The following SBF2 variants were observed in gnomAD, a reference collection of about 807,000 sequenced individuals.
SBF2 encodes myotubularin-related protein 13.
A neutral mutation model predicts 225.2 loss-of-function variants in SBF2; 112 were observed. The observed-to-expected ratio is 0.50, with a 90% CI of 0.43 to 0.58. The LOEUF (loss-of-function observed/expected upper bound fraction) is 0.58. Among genes scored for constraint, SBF2 ranks in the 20% least tolerant of loss-of-function variants. SBF2 has a pLI of 0.00. For missense variants in SBF2, 1,996 were observed against 2,206.2 expected (o/e 0.90, Z 1.91); for synonymous variants, 763 against 773.3 (o/e 0.99, Z 0.22).
chr11:9,940,104 A>G (rs1356434181), intron 16 of SBF2, among the ~76,000 whole-genome samples: 1 of 152,072 alleles, frequency 6.6e-6, no homozygotes, highest in Non-Finnish European at 1.5e-5. Flanking sequence ...TGTGATTAAA[A>G]AGTACACACT....
Position 9,868,094 on chromosome 11 carries a change from T to C in SBF2, c.1930-9698A>G, listed in dbSNP as rs370215249. On this transcript the variant is annotated intron_variant, in intron 17 of 39. Coordinates refer to ENST00000256190, the MANE Select transcript of SBF2 (RefSeq NM_030962.4). The stretch of plus-strand genomic sequence containing the variant: ...TTGACCATTACACACCGTATACATG[T>C]ATCAAAATATCACTTGTACCCCATA... 3.7e-4 allele frequency among the ~76,000 whole-genome samples: 56 copies of C among 152,266 alleles called. No homozygotes were observed. In the South Asian group the frequency reaches 4.8e-3, roughly 13 times the overall value.
intron 16 of SBF2, among the ~76,000 whole-genome samples, chr11:9,902,414 A>G (rs1293997026): frequency 6.6e-6 from 1 of 152,192 alleles, no homozygotes; most frequent in Non-Finnish European, 1.5e-5. Context: ...ACCCCACAAG[A>G]TATCCCACCT....
At chr11:10,095,633 G>A (rs1341332808) in intron 2 of SBF2, among the ~76,000 whole-genome samples, 1 of 152,178 alleles carries the variant, frequency 6.6e-6, no homozygotes, top group Non-Finnish European at 1.5e-5. Flanking sequence ...GATGAGTCAT[G>A]TTCCAAAGAA....
At chr11:9,816,291 G>A (rs1226215868) in intron 29 of SBF2, among the ~76,000 whole-genome samples, 1 of 152,108 alleles carries the variant, frequency 6.6e-6, no homozygotes, top group South Asian at 2.1e-4. Context: ...CTAGTATTTT[G>A]AATTTTCTGA....
At chr11:9,804,114 A>T (rs1383034082) in intron 32 of SBF2, among the ~76,000 whole-genome samples, 1 of 152,144 alleles carries the variant, frequency 6.6e-6, no homozygotes, top group Non-Finnish European at 1.5e-5. Context: ...AGAGCAACAG[A>T]TCGGAGGTTT....
At chr11:9,908,678 T>C (rs1456360650) in intron 16 of SBF2, among the ~76,000 whole-genome samples, 1 of 87,960 alleles carries the variant, frequency 1.1e-5, no homozygotes, top group Non-Finnish European at 2.5e-5. Flanking sequence ...ATGCCATCTG[T>C]TCATAATCTT....
At chr11:10,241,350 T>A (rs1369742600) in intron 1 of SBF2, among the ~76,000 whole-genome samples, 4 of 151,568 alleles carry the variant, frequency 2.6e-5, no homozygotes, top group Non-Finnish European at 4.4e-5. Context: ...CGAGACTGTC[T>A]CAAAAAAAAG....
At chr11:9,808,670 G>A in intron 31 of SBF2, 1 of 469,100 alleles carries the variant, frequency 2.1e-6, no homozygotes, top group South Asian at 2.2e-5. Context: ...AGCCTGCATG[G>A]TACATCTGTG....
At position 9,906,629 on chromosome 11, in the gene SBF2, A is replaced by AT. The variant is rs533966420; in HGVS notation, c.1861-10619dup. ...TGAAAGAGGGAAAAAATTTACAACA[A>AT]TAAGTCTACAACTATTGACACAGCA... On this transcript the variant is annotated intron_variant, in intron 16 of 39. Transcript: ENST00000256190. Among the ~76,000 whole-genome samples the AT allele has an allele frequency of 2.4e-3, 370 of 152,346 alleles. 1 individual carries two copies. Among genetic ancestry groups the AT allele is most frequent in the Middle Eastern group, 6.8e-3 (2 of 294 alleles).
intron 17 of SBF2, among the ~76,000 whole-genome samples, chr11:9,888,854 C>A (rs1299233802): frequency 6.6e-6 from 1 of 152,174 alleles, no homozygotes; most frequent in Non-Finnish European, 1.5e-5. Flanking sequence ...TAGATTCTTT[C>A]CAAGCCACAT....
chr11:9,855,081 G>A (rs190888685), intron 19 of SBF2, among the ~76,000 whole-genome samples: 66 of 152,254 alleles, frequency 4.3e-4, no homozygotes, highest in Non-Finnish European at 7.1e-4. Context: ...GCATCATTTC[G>A]GGAAGATCCT....
At chr11:9,900,910 AT>A (rs1412388000) in intron 16 of SBF2, among the ~76,000 whole-genome samples, 4 of 149,234 alleles carry the variant, frequency 2.7e-5, no homozygotes, top group South Asian at 2.1e-4. Context: ...CTAATTTTTA[AT>A]TTTTTTTTTG....
At chr11:10,237,689 C>T (rs1959130212) in intron 1 of SBF2, among the ~76,000 whole-genome samples, 1 of 152,168 alleles carries the variant, frequency 6.6e-6, no homozygotes, top group Non-Finnish European at 1.5e-5. Flanking sequence ...GTGAAACCAT[C>T]ATCACAGTCA....
chr11:9,930,471 G>T (rs1408769231), intron 16 of SBF2, among the ~76,000 whole-genome samples: 1 of 152,108 alleles, frequency 6.6e-6, no homozygotes, highest in African/African-American at 2.4e-5. Context: ...ATAGAGGCAG[G>T]GTGTTGAGAA....
intron 2 of SBF2, among the ~76,000 whole-genome samples, chr11:10,127,195 G>C (rs1027261843): frequency 1.3e-5 from 2 of 152,080 alleles, no homozygotes; most frequent in African/African-American, 4.8e-5. Context: ...TACATTTTAT[G>C]TGTATGCATA....
intron 2 of SBF2, among the ~76,000 whole-genome samples, chr11:10,111,301 C>T (rs1269118726): frequency 1.3e-5 from 2 of 152,070 alleles, no homozygotes; most frequent in Non-Finnish European, 2.9e-5. Flanking sequence ...TAAATAATTA[C>T]TTTTTAATTT....
chr11:10,264,361 T>C (rs1961728554), intron 1 of SBF2, among the ~76,000 whole-genome samples: 2 of 152,250 alleles, frequency 1.3e-5, no homozygotes, highest in South Asian at 4.1e-4. Context: ...ATACTAAAAA[T>C]TCTTTTAGGG....
intron 24 of SBF2, among the ~76,000 whole-genome samples, chr11:9,843,348 C>T (rs756237586): frequency 8.5e-5 from 13 of 152,118 alleles, no homozygotes; most frequent in Non-Finnish European, 1.6e-4. Context: ...AATATAATTC[C>T]CCTTTTTTGA....
intron 6 of SBF2, among the ~76,000 whole-genome samples, chr11:10,014,578 A>G (rs1948583101): frequency 1.3e-5 from 2 of 151,276 alleles, no homozygotes; most frequent in Admixed American, 1.3e-4. Context: ...AAAACTGTCC[A>G]AAGCTGAGTT....
Sources: allele counts gnomAD v4.1 joint callset (sites outside exome capture counted in the v4.1 genomes callset), GRCh38; gene constraint gnomAD v4.1.1; transcripts MANE v1.5; gene names NCBI Gene and HGNC (gene_info 2026-07-23, HGNC 2026-07-21).